The following SEMA5A variants were observed in gnomAD, a reference collection of about 807,000 sequenced individuals.
SEMA5A encodes the protein semaphorin-5A.
Under a neutral mutation model 135.5 loss-of-function variants are expected in SEMA5A, and 55 were observed. The ratio of observed to expected loss-of-function variants is 0.41; its 90% CI spans 0.33 to 0.51. The LOEUF is 0.51. SEMA5A is among the 20% of genes least tolerant of loss of function. SEMA5A has a pLI of 0.37. For missense variants in SEMA5A, 1,290 were observed against 1,419.9 expected (o/e 0.91, Z 1.47); for synonymous variants, 580 against 546.5 (o/e 1.06, Z -0.85).
chr5:9,190,500 G>C, intron 10 of SEMA5A, 29 bp from the exon 11 acceptor site: 1 of 1,607,982 alleles, frequency 6.2e-7, no homozygotes, highest in Non-Finnish European at 8.5e-7. Flanking sequence ...CAGGTTACCA[G>C]AGCCGGCAGC....
intron 2 of SEMA5A, among the ~76,000 whole-genome samples, chr5:9,412,816 C>T (rs1327573116): frequency 3.9e-5 from 6 of 152,194 alleles, no homozygotes; most frequent in African/African-American, 1.4e-4. Flanking sequence ...GTAGAATTTT[C>T]CACCTGTGGT....
intron 1 of SEMA5A, among the ~76,000 whole-genome samples, chr5:9,476,104 A>T (rs546687994): frequency 6.6e-6 from 1 of 152,364 alleles, no homozygotes; most frequent in South Asian, 2.1e-4. Context: ...AAATAGATAC[A>T]TCATTCTATG....
At chr5:9,082,379 C>T (rs527557605) in intron 16 of SEMA5A, among the ~76,000 whole-genome samples, 1 of 152,128 alleles carries the variant, frequency 6.6e-6, no homozygotes, top group African/African-American at 2.4e-5. Context: ...AACTGAGTTT[C>T]CAGTGACTAC....
intron 2 of SEMA5A, among the ~76,000 whole-genome samples, chr5:9,381,983 C>CGTGTGT (rs1385996116): frequency 5.1e-5 from 5 of 97,900 alleles, no homozygotes; most frequent in Non-Finnish European, 1.1e-4. Flanking sequence ...TGTGTGTGTG[C>CGTGTGT]GCGCGCGCGC....
intron 2 of SEMA5A, among the ~76,000 whole-genome samples, chr5:9,395,794 T>C (rs1045545194): frequency 2.0e-5 from 3 of 152,140 alleles, no homozygotes; most frequent in African/African-American, 7.3e-5. Context: ...GTGCCTTCTC[T>C]AACATCATAT....
intron 2 of SEMA5A, among the ~76,000 whole-genome samples, chr5:9,389,713 T>A (rs1295780712): frequency 1.3e-5 from 2 of 152,182 alleles, no homozygotes; most frequent in Non-Finnish European, 2.9e-5. Context: ...ATTTCAGCCA[T>A]TTTTGTTGTT....
chr5:9,531,625 A>C (rs1014859360), intron 1 of SEMA5A, among the ~76,000 whole-genome samples: 2 of 152,154 alleles, frequency 1.3e-5, no homozygotes, highest in African/African-American at 4.8e-5. Flanking sequence ...GTTTGATTGA[A>C]TTGAACCTGC....
At chr5:9,379,233 G>A (rs1219936293) in intron 3 of SEMA5A, among the ~76,000 whole-genome samples, 1 of 152,180 alleles carries the variant, frequency 6.6e-6, no homozygotes, top group Non-Finnish European at 1.5e-5. Flanking sequence ...TGAGGACAGA[G>A]ATAGAGTCTA....
At position 9,222,268 on chromosome 5, in the gene SEMA5A, CTGGA is replaced by C. The variant is rs1561039990; in HGVS notation, c.646+2402_646+2405del. ...GTGTGGTTAGAGACCAGAATCCATC[CTGGA>C]TGGAGGATCAATCAGAGAAGCGAAT... is the stretch of plus-strand genomic sequence containing the variant. On this transcript the variant is annotated intron_variant, in intron 8 of 22. Coordinates refer to ENST00000382496, the MANE Select transcript of SEMA5A (RefSeq NM_003966.3). Among the ~76,000 whole-genome samples the C allele has an allele frequency of 3.3e-5, 5 of 152,264 alleles. No individual in the cohort carries two copies. The South Asian group carries it at 8.3e-4, about 25-fold the overall frequency.
At chr5:9,322,855 C>G (rs1395604901) in intron 4 of SEMA5A, among the ~76,000 whole-genome samples, 1 of 152,030 alleles carries the variant, frequency 6.6e-6, no homozygotes, top group Admixed American at 6.5e-5. Flanking sequence ...GAAACAAACA[C>G]AGTAACAGCT....
At chr5:9,062,191 C>T (rs1475865290) in intron 18 of SEMA5A, among the ~76,000 whole-genome samples, 2 of 152,060 alleles carry the variant, frequency 1.3e-5, no homozygotes, top group Non-Finnish European at 2.9e-5. Context: ...TGATGTCTTT[C>T]CCCAATGCAT....
chr5:9,176,668 G>T (rs1744221745), intron 11 of SEMA5A, among the ~76,000 whole-genome samples: 1 of 152,170 alleles, frequency 6.6e-6, no homozygotes, highest in South Asian at 2.1e-4. Flanking sequence ...TCCTGCTCTT[G>T]TTGAAAAAAG....
At chr5:9,278,465 T>C (rs934273694) in intron 5 of SEMA5A, among the ~76,000 whole-genome samples, 2 of 152,208 alleles carry the variant, frequency 1.3e-5, no homozygotes, top group Non-Finnish European at 2.9e-5. Flanking sequence ...GAAAAACCCA[T>C]TTTCTGGGGA....
intron 1 of SEMA5A, among the ~76,000 whole-genome samples, chr5:9,540,849 G>A (rs1458509264): frequency 3.3e-5 from 5 of 152,034 alleles, no homozygotes; most frequent in Admixed American, 6.6e-5. Context: ...TCACATCTCC[G>A]GTTTTGTTTT....
At position 9,039,452 on chromosome 5, in the gene SEMA5A, C is replaced by T. The variant is rs1735840862; in HGVS notation, c.*3445G>A. Reference sequence around the variant, plus strand: ...TCTCCCCAGCAGGGATGCCCTCACCCTCATTCAATGTTTATCGTCTCTTTT... The same window carrying T: ...TCTCCCCAGCAGGGATGCCCTCACCTTCATTCAATGTTTATCGTCTCTTTT... On this transcript the variant is annotated 3_prime_UTR_variant, in exon 23 of 23. Coordinates refer to ENST00000382496, the MANE Select transcript of SEMA5A (RefSeq NM_003966.3). 1 of 152,284 alleles carries T rather than the reference C, an allele frequency of 6.6e-6. No individual in the cohort carries two copies. The highest frequency in any genetic ancestry group is 6.5e-5 in the Admixed American group (1 of 15,278). The allele number at this position is 152,284 out of a possible 1,614,324, so 9.4% of individuals were successfully genotyped here.
chr5:9,165,941 C>T (rs1743582606), intron 11 of SEMA5A, among the ~76,000 whole-genome samples: 1 of 152,118 alleles, frequency 6.6e-6, no homozygotes, highest in South Asian at 2.1e-4. Flanking sequence ...CTCAATATTA[C>T]ATTTATATAG....
chr5:9,476,982 A>G (rs570855677), intron 1 of SEMA5A, among the ~76,000 whole-genome samples: 1 of 152,180 alleles, frequency 6.6e-6, no homozygotes, highest in Admixed American at 6.5e-5. Flanking sequence ...CCCAAATCTC[A>G]TCTCGAAGTT....
intron 2 of SEMA5A, among the ~76,000 whole-genome samples, chr5:9,403,984 G>T (rs947308660): frequency 6.6e-6 from 1 of 152,170 alleles, no homozygotes; most frequent in Non-Finnish European, 1.5e-5. Flanking sequence ...GCCCAGGCTG[G>T]AGTACAGTGG....
intron 2 of SEMA5A, among the ~76,000 whole-genome samples, chr5:9,397,235 CATAA>C (rs1340336150): frequency 6.6e-6 from 1 of 152,226 alleles, no homozygotes; most frequent in African/African-American, 2.4e-5. Context: ...CAGCTGCACA[CATAA>C]ATGAGTGCTC....
Sources: gnomAD v4.1 joint callset for allele counts (sites outside exome capture counted in the v4.1 genomes callset) on GRCh38, gnomAD v4.1.1 for gene constraint, MANE v1.5 for transcripts, NCBI Gene and HGNC (gene_info 2026-07-23, HGNC 2026-07-21) for gene names.